The following KCNIP1 variants were observed in gnomAD, a reference collection of about 807,000 sequenced individuals.
KCNIP1 encodes A-type potassium channel modulatory protein KCNIP1.
A neutral mutation model predicts 33.0 loss-of-function variants in KCNIP1; 18 were observed. That is an observed-to-expected ratio of 0.55 (90% CI 0.38 to 0.81). KCNIP1 has a LOEUF of 0.81. Among genes scored for constraint, KCNIP1 ranks in the 30% least tolerant of loss-of-function variants. KCNIP1 has a pLI of 0.00. For synonymous variants in KCNIP1, 93 were observed against 98.3 expected (o/e 0.95, Z 0.32); for missense variants, 238 against 271.6 (o/e 0.88, Z 0.87).
At chr5:170,499,177 A>T (rs1293127119), upstream of KCNIP1, among the ~76,000 whole-genome samples, 1 of 152,218 alleles carries the variant, frequency 6.6e-6, no homozygotes, top group Non-Finnish European at 1.5e-5. Context: ...TGCCAACTGC[A>T]TTCCCTTCCT....
chr5:170,707,173 A>T (rs1008832876), intron 1 of KCNIP1, among the ~76,000 whole-genome samples: 5 of 152,122 alleles, frequency 3.3e-5, no homozygotes, highest in Admixed American at 6.5e-5. Context: ...AAAAAAAAAA[A>T]AAAAATCATC....
In KCNIP1 at chr5:170,415,269, G is replaced by C. The variant is rs140922804; in HGVS notation, c.88+61305G>C. ...TTGTGTTTGTGTTTGCCGTCTGCCT[G>C]TCCCTCACATTTCCCTCAGTGTGTT... On this transcript the variant is annotated intron_variant, in intron 1 of 7. Coordinates refer to the KCNIP1 transcript ENST00000377360. 8.3e-4 allele frequency among the ~76,000 whole-genome samples: 127 copies of C among 152,236 alleles called. 2 individuals carry two copies. Among genetic ancestry groups the C allele is most frequent in the African/African-American group, 2.8e-3 (116 of 41,524 alleles).
chr5:170,723,573 GT>G (rs1310718739), intron 5 of KCNIP1, among the ~76,000 whole-genome samples: 1 of 152,122 alleles, frequency 6.6e-6, no homozygotes, highest in African/African-American at 2.4e-5. Context: ...GCTTCTCTCT[GT>G]AAGCTCAGAG....
chr5:170,378,685 A>G (rs766849311), intron 1 of KCNIP1: 1 of 1,589,518 alleles, frequency 6.3e-7, no homozygotes, highest in Non-Finnish European at 8.6e-7. Context: ...GACAAGTGGT[A>G]TGGCATGGAT....
At chr5:170,551,787 G>A (rs1350434613) in intron 1 of KCNIP1, among the ~76,000 whole-genome samples, 1 of 151,850 alleles carries the variant, frequency 6.6e-6, no homozygotes, top group Non-Finnish European at 1.5e-5. Flanking sequence ...GTGAGTGTGT[G>A]TATGTTCAAG....
At chr5:170,445,271 A>G (rs570428911) in intron 1 of KCNIP1, among the ~76,000 whole-genome samples, 23 of 152,210 alleles carry the variant, frequency 1.5e-4, no homozygotes, top group Non-Finnish European at 2.9e-4. Flanking sequence ...GTTGTCTCCA[A>G]TTGCCTCAGA....
intron 1 of KCNIP1, among the ~76,000 whole-genome samples, chr5:170,468,646 C>T (rs1286955748): frequency 1.3e-5 from 2 of 151,848 alleles, no homozygotes; most frequent in Non-Finnish European, 2.9e-5. Flanking sequence ...TTTGGGAGGC[C>T]GAGGTGGGTG....
chr5:170,422,282 C>T (rs1156391610), intron 1 of KCNIP1: 1 of 152,242 alleles, frequency 6.6e-6, no homozygotes, highest in East Asian at 1.9e-4. Flanking sequence ...TCAACTCTGC[C>T]ACCCACAGCT....
chr5:170,724,210 A>C (rs983901658), intron 5 of KCNIP1, among the ~76,000 whole-genome samples: 1 of 152,216 alleles, frequency 6.6e-6, no homozygotes, highest in Non-Finnish European at 1.5e-5. Context: ...GGTGAATTCT[A>C]ATATCAATCC....
chr5:170,516,930 CAAT>C (rs1400892343), intron 1 of KCNIP1, among the ~76,000 whole-genome samples: 4 of 152,000 alleles, frequency 2.6e-5, no homozygotes, highest in Admixed American at 1.3e-4. Flanking sequence ...ATGGTCATAG[CAAT>C]AATAATGATT....
At chr5:170,543,715 A>G (rs10067218) in intron 1 of KCNIP1, among the ~76,000 whole-genome samples, 34,652 of 152,172 alleles carry the variant, frequency 0.23, 6,151 homozygotes, top group African/African-American at 0.5. Context: ...CAACTTTGTC[A>G]CTTTTCTCTT....
intron 1 of KCNIP1, among the ~76,000 whole-genome samples, chr5:170,606,295 G>A (rs1758916388): frequency 6.6e-6 from 1 of 152,158 alleles, no homozygotes; most frequent in African/African-American, 2.4e-5. Flanking sequence ...TGGTAACTCT[G>A]TGTTTAACTT....
intron 1 of KCNIP1, among the ~76,000 whole-genome samples, chr5:170,540,709 C>A (rs1425850840): frequency 6.6e-6 from 1 of 152,156 alleles, no homozygotes; most frequent in African/African-American, 2.4e-5. Context: ...CCACTCCTGC[C>A]ATAATGGTTG....
chr5:170,577,624 C>A (rs1412189439), intron 1 of KCNIP1, among the ~76,000 whole-genome samples: 1 of 152,166 alleles, frequency 6.6e-6, no homozygotes, highest in African/African-American at 2.4e-5. Flanking sequence ...ACAGTGTTTT[C>A]TCAGGTGCTC....
chr5:170,476,612 A>G (rs1052263205), intron 1 of KCNIP1, among the ~76,000 whole-genome samples: 1 of 152,232 alleles, frequency 6.6e-6, no homozygotes, highest in African/African-American at 2.4e-5. Flanking sequence ...CTTGTATCAA[A>G]GTTACGGTCT....
At chr5:170,484,471 A>AAGAGC (rs1261717541) in intron 1 of KCNIP1, among the ~76,000 whole-genome samples, 1 of 152,062 alleles carries the variant, frequency 6.6e-6, no homozygotes, top group African/African-American at 2.4e-5. Context: ...GGAAGCTGGA[A>AAGAGC]AGAGCCTGGT....
At chr5:170,388,619 G>C (rs1422902493) in intron 1 of KCNIP1, among the ~76,000 whole-genome samples, 1 of 152,220 alleles carries the variant, frequency 6.6e-6, no homozygotes, top group Non-Finnish European at 1.5e-5. Context: ...TGATAGCTGG[G>C]TCGACATCCT....
intron 1 of KCNIP1, among the ~76,000 whole-genome samples, chr5:170,355,941 G>A (rs62392729): frequency 0.11 from 16,154 of 152,242 alleles, 1,022 homozygotes; most frequent in African/African-American, 0.16. Context: ...CTTCAGCTCC[G>A]CAGAGAGGAC....
rs368056366 is a variant in KCNIP1 at position 170,383,688 on chromosome 5, C to G, written c.88+29724C>G. On this transcript the variant is annotated intron_variant, in intron 1 of 7. Transcript: ENST00000377360. ...CCCTCCAGTTCAGTACCTGCTGGTTCTGGTCCCGAGTGTCCTCCGTGTGGT... is the reference window on the plus strand; with the variant it reads ...CCCTCCAGTTCAGTACCTGCTGGTTGTGGTCCCGAGTGTCCTCCGTGTGGT... 4 of 1,614,192 alleles carry G rather than the reference C, an allele frequency of 2.5e-6. No homozygotes were observed. In the African/African-American group the frequency reaches 5.3e-5, roughly 22 times the overall value.
Sources: allele counts gnomAD v4.1 joint callset (sites outside exome capture counted in the v4.1 genomes callset), GRCh38; gene constraint gnomAD v4.1.1; transcripts MANE v1.5; gene names NCBI Gene and HGNC (gene_info 2026-07-23, HGNC 2026-07-21).